PIWIL1: variants seen among roughly 807,000 people sequenced by gnomAD.
PIWIL1 encodes piwi like RNA-mediated gene silencing 1, also known as piwi-like protein 1.
PIWIL1 carries 73 observed loss-of-function variants against 114.4 expected under a neutral mutation model. The ratio of observed to expected loss-of-function variants is 0.64; its 90% CI spans 0.53 to 0.78. The LOEUF is 0.78. Among genes scored for constraint, PIWIL1 ranks in the 30% least tolerant of loss-of-function variants. PIWIL1 has a pLI of 0.00. For missense variants in PIWIL1, 723 were observed against 1,063.1 expected (o/e 0.68, Z 4.45); for synonymous variants, 375 against 369.0 (o/e 1.02, Z -0.19).
chr12:130,412,770 G>A, the PIWIL1 span: 135 of 1,613,368 alleles, frequency 8.4e-5, 1 homozygote, highest in Admixed American at 9.7e-4. Flanking sequence ...ATCCATCAGC[G>A]TCTTTATCAC....
intron 14 of PIWIL1, among the ~76,000 whole-genome samples, chr12:130,359,286 A>G (rs1283085428): frequency 6.6e-6 from 1 of 152,238 alleles, no homozygotes; most frequent in East Asian, 1.9e-4. Flanking sequence ...CTTTGCATTC[A>G]GTCTTTGTCC....
In PIWIL1 at chr12:130,343,021, C is replaced by T. The variant is rs1420117668; in HGVS notation, c.110C>T (p.Pro37Leu). 2 of 1,614,018 alleles carry T rather than the reference C, an allele frequency of 1.2e-6. No individual in the cohort carries two copies. The highest frequency in any genetic ancestry group is 1.3e-5 in the African/African-American group (1 of 74,914). The change falls in exon 3 of 21, where the codon CCT (proline) becomes CTT (leucine). Residue 37 changes from proline (P) to leucine (L), a missense_variant. Pro to Leu is a moderately conservative substitution (Grantham distance 98, BLOSUM62 -3). Transcript: ENST00000245255. ...CAACCTGGTTATATTCAGCCTAGGC[C>T]TCAGCCGCCACCAGCAGAGGGGGAA... Reference protein sequence around the residue: ...SQQPGYIQPRPQPPPAEGELF... With the variant: ...SQQPGYIQPRLQPPPAEGELF...
Position 130,355,558 on chromosome 12 carries a change from A to C in PIWIL1, c.1295A>C (p.Asp432Ala). 1 of 1,609,596 alleles carries C rather than the reference A, an allele frequency of 6.2e-7. No individual in the cohort carries two copies. Among genetic ancestry groups the C allele is most frequent in the Non-Finnish European group, 8.5e-7 (1 of 1,175,824 alleles). Residue 432 changes from aspartate to alanine, a missense_variant, in exon 12 of 21, where the codon GAT (aspartate) becomes GCT (alanine). By Grantham distance (126) the Asp-to-Ala change is moderately radical. Around this residue, in one of 8 missense-constraint regions of PIWIL1, gnomAD observed 298 missense variants for 420.8 expected, o/e 0.71. Transcript: ENST00000245255. ...TAAATGTGTTAAATTTACAGAAACG[A>C]TAATGTTCAAAGGGAGCTTCGAGAC... is the stretch of plus-strand genomic sequence containing the variant. ...GRLIDYIHKNDNVQRELRDWG... is the reference protein window; with the variant it reads ...GRLIDYIHKNANVQRELRDWG...
downstream of PIWIL1, among the ~76,000 whole-genome samples, chr12:130,374,327 G>C (rs1262583491): frequency 6.6e-6 from 1 of 152,060 alleles, no homozygotes; most frequent in Non-Finnish European, 1.5e-5. Flanking sequence ...CAGATATTTC[G>C]TACATTTCTA....
chr12:130,395,167 A>C, the PIWIL1 span, among the ~76,000 whole-genome samples: 3 of 152,248 alleles, frequency 2.0e-5, no homozygotes, highest in Non-Finnish European at 2.9e-5. Context: ...TACTCTGTAC[A>C]GTTTGGGCTT....
Position 130,347,095 on chromosome 12 carries a change from A to G in PIWIL1, c.653+33A>G, listed in dbSNP as rs557863947. 4.1e-6 allele frequency: 6 copies of G among 1,469,722 alleles called. No individual in the cohort carries two copies. The African/African-American group carries it at 8.4e-5, about 21-fold the overall frequency. 91.0% of individuals were successfully genotyped at this position (1,469,722 alleles called of 1,614,324 possible). ...TTTTATTTCAACATTTTATTAAGAAAACAGCAAAGTTGAAATAATTGTACA... is the reference window on the plus strand; with the variant it reads ...TTTTATTTCAACATTTTATTAAGAAGACAGCAAAGTTGAAATAATTGTACA... On this transcript the variant is annotated intron_variant, in intron 6 of 20. Coordinates refer to ENST00000245255, the MANE Select transcript of PIWIL1 (RefSeq NM_004764.5).
At chr12:130,414,619 C>T in the PIWIL1 span, 1 of 235,402 alleles carries the variant, frequency 4.2e-6, no homozygotes, top group Non-Finnish European at 8.3e-6. Flanking sequence ...GCAGGATGGC[C>T]CATGCTGGGG....
chr12:130,350,766 A>G (rs1473129023), intron 9 of PIWIL1, among the ~76,000 whole-genome samples: 2 of 152,194 alleles, frequency 1.3e-5, no homozygotes, highest in African/African-American at 2.4e-5. Flanking sequence ...TCTACTTTCA[A>G]TAGAGTATTT....
At chr12:130,342,309 A>T in intron 1 of PIWIL1, 1 of 455,298 alleles carries the variant, frequency 2.2e-6, no homozygotes, top group East Asian at 3.8e-5. Context: ...TCTGTTTATA[A>T]TAAATAATCC....
intron 18 of PIWIL1, among the ~76,000 whole-genome samples, chr12:130,364,262 C>T (rs569950739): frequency 6.6e-6 from 1 of 152,256 alleles, no homozygotes; most frequent in South Asian, 2.1e-4. Context: ...TATTACACAC[C>T]CATTATTCTT....
chr12:130,377,865 A>G, the PIWIL1 span, among the ~76,000 whole-genome samples: 3 of 152,222 alleles, frequency 2.0e-5, no homozygotes, highest in Admixed American at 2.0e-4. Flanking sequence ...ATCGGAGGCC[A>G]ACCCTTCCCA....
chr12:130,403,881 G>A, the PIWIL1 span, among the ~76,000 whole-genome samples: 1 of 152,088 alleles, frequency 6.6e-6, no homozygotes, highest in Non-Finnish European at 1.5e-5. Context: ...TGAAAAATAA[G>A]CAGAGCAAAC....
chr12:130,393,021 C>T, the PIWIL1 span, among the ~76,000 whole-genome samples: 2 of 144,156 alleles, frequency 1.4e-5, no homozygotes, highest in African/African-American at 5.5e-5. Context: ...TGTGATGACC[C>T]GGTCACCGTC....
the PIWIL1 span, among the ~76,000 whole-genome samples, chr12:130,423,173 TA>T: frequency 6.6e-6 from 1 of 152,218 alleles, no homozygotes; most frequent in African/African-American, 2.4e-5. Context: ...TAGGATTGAC[TA>T]AAGACAATCA....
chr12:130,414,286 G>A, the PIWIL1 span: 1 of 1,601,184 alleles, frequency 6.2e-7, no homozygotes, highest in South Asian at 1.1e-5. Context: ...TCTGGAGAAA[G>A]GCGGTCTCGC....
At chr12:130,376,241 A>G (rs971538714), downstream of PIWIL1, among the ~76,000 whole-genome samples, 2 of 152,154 alleles carry the variant, frequency 1.3e-5, no homozygotes, top group Non-Finnish European at 2.9e-5. Context: ...GGACACAGAG[A>G]TTTTGTTTAT....
chr12:130,361,055 A>G, intron 14 of PIWIL1, 125 bp from the exon 15 acceptor site: 1 of 749,284 alleles, frequency 1.3e-6, no homozygotes, highest in Non-Finnish European at 2.2e-6. Flanking sequence ...GCTGAAATGA[A>G]TAGTAAAATA....
chr12:130,395,588 A>G, the PIWIL1 span, among the ~76,000 whole-genome samples: 1 of 152,190 alleles, frequency 6.6e-6, no homozygotes, highest in Non-Finnish European at 1.5e-5. Flanking sequence ...CAACTCTTCA[A>G]CTTTTCCTGT....
At chr12:130,386,076 T>C in the PIWIL1 span, among the ~76,000 whole-genome samples, 1 of 152,194 alleles carries the variant, frequency 6.6e-6, no homozygotes, top group Non-Finnish European at 1.5e-5. Context: ...GTACCACACA[T>C]GCTGTGGTTT....
Sources: allele counts gnomAD v4.1 joint callset (sites outside exome capture counted in the v4.1 genomes callset), GRCh38; gene constraint gnomAD v4.1.1; regional missense constraint gnomAD v4.1.1; transcripts MANE v1.5; gene names NCBI Gene and HGNC (gene_info 2026-07-23, HGNC 2026-07-21).